Variants in RALGAPA2 observed in about 807,000 individuals in gnomAD.
RALGAPA2 encodes the protein Ral GTPase activating protein catalytic subunit alpha 2, also known as ral GTPase-activating protein subunit alpha-2.
In RALGAPA2, 139 loss-of-function variants were observed where a neutral mutation model predicts 230.4. That is an observed-to-expected ratio of 0.60 (90% CI 0.53 to 0.69). The LOEUF (loss-of-function observed/expected upper bound fraction) is 0.69, where lower values mean the gene tolerates loss of function less well. Among genes scored for constraint, RALGAPA2 ranks in the 30% least tolerant of loss-of-function variants. RALGAPA2 has a pLI of 0.00. For missense variants in RALGAPA2, 2,163 were observed against 2,276.0 expected, an observed-to-expected ratio of 0.95 and a Z score of 1.01; for synonymous variants, 847 against 837.8, an observed-to-expected ratio of 1.01 and a Z score of -0.19.
chr20:20,450,231 T>C (rs2060957977), intron 37 of RALGAPA2, among the ~76,000 whole-genome samples: 1 of 152,216 alleles, frequency 6.6e-6, no homozygotes, highest in Non-Finnish European at 1.5e-5. Flanking sequence ...ATTAGATGCT[T>C]ATTTTGGGAT....
At chr20:20,621,524 T>C (rs1383702354) in intron 10 of RALGAPA2, among the ~76,000 whole-genome samples, 1 of 152,074 alleles carries the variant, frequency 6.6e-6, no homozygotes, top group Non-Finnish European at 1.5e-5. Flanking sequence ...CTTCCTTTTT[T>C]GTTATTATTA....
At chr20:20,637,648 A>C in intron 7 of RALGAPA2, 147 bp from the exon 8 acceptor site, 1 of 765,266 alleles carries the variant, frequency 1.3e-6, no homozygotes. Context: ...TGAAATAATA[A>C]CAAAGCTCAA....
Position 20,620,578 on chromosome 20 carries a change from A to T in RALGAPA2, c.1286T>A (p.Val429Glu). The change falls in exon 11 of 40, where the codon GTG (valine) becomes GAG (glutamate). Residue 429 changes from valine to glutamate, a missense_variant. Physicochemically the swap from Val to Glu is moderately radical, Grantham distance 121. Transcript: ENST00000202677. ...GTCCTGGAGAATCCACTTTCTGTAC[A>T]CTTGAACTACTTTTCTTGTTACAGC... The part of the protein sequence containing the change: ...EIAVTRKVVQ[V>E]YRKWILQDKP... 1 of 1,613,646 alleles carries T rather than the reference A, an allele frequency of 6.2e-7. No individual in the cohort carries two copies. The highest frequency in any genetic ancestry group is 8.5e-7 in the Non-Finnish European group (1 of 1,179,754).
intron 1 of RALGAPA2, among the ~76,000 whole-genome samples, chr20:20,693,874 G>T (rs1350940285): frequency 1.3e-5 from 2 of 152,106 alleles, no homozygotes; most frequent in African/African-American, 4.8e-5. Context: ...GGAGGCTGAG[G>T]CCTGCAGATC....
chr20:20,413,837 T>C (rs1209477473), intron 37 of RALGAPA2, among the ~76,000 whole-genome samples: 1 of 152,268 alleles, frequency 6.6e-6, no homozygotes, highest in East Asian at 1.9e-4. Flanking sequence ...AACTGGCTTC[T>C]TGACTGTGGG....
chr20:20,529,669 G>A (rs1324543925), intron 27 of RALGAPA2, among the ~76,000 whole-genome samples: 2 of 152,148 alleles, frequency 1.3e-5, no homozygotes, highest in African/African-American at 4.8e-5. Flanking sequence ...GTACAGTAGT[G>A]TGCTGTATAG....
rs34179853 is a variant in RALGAPA2, at chr20:20,471,414, A to ATTTTTT, written c.5495+1409_5495+1414dup. 12 of 125,490 alleles carry ATTTTTT rather than the reference A, an allele frequency of 9.6e-5. 1 individual carries two copies. Among genetic ancestry groups the ATTTTTT allele is most frequent in the East Asian group, 2.3e-4 (1 of 4,312 alleles). 7.8% of individuals were successfully genotyped at this position (125,490 alleles called of 1,614,324 possible). ...GGAATTTTCTCATTTGTAAAATAAGATTTTTTTTTTTTTTTTTTTTTTGCT... is the reference window on the plus strand; with the variant it reads ...GGAATTTTCTCATTTGTAAAATAAGATTTTTTTTTTTTTTTTTTTTTTTTTTTTGCT... On this transcript the variant is annotated intron_variant, in intron 37 of 39. Coordinates refer to ENST00000202677, the MANE Select transcript of RALGAPA2 (RefSeq NM_020343.4).
intron 4 of RALGAPA2, among the ~76,000 whole-genome samples, chr20:20,652,991 A>T (rs2067456956): frequency 6.6e-6 from 1 of 152,002 alleles, no homozygotes; most frequent in South Asian, 2.1e-4. Flanking sequence ...CAGGAGTTCG[A>T]GACAGCCTGG....
intron 38 of RALGAPA2, among the ~76,000 whole-genome samples, chr20:20,404,957 G>C (rs6106245): frequency 0.069 from 10,454 of 152,254 alleles, 975 homozygotes; most frequent in African/African-American, 0.2. Context: ...GGGTTGTCAG[G>C]AGTGTCACTG....
chr20:20,652,546 C>T (rs1422944030), intron 4 of RALGAPA2, among the ~76,000 whole-genome samples: 1 of 152,200 alleles, frequency 6.6e-6, no homozygotes, highest in Non-Finnish European at 1.5e-5. Flanking sequence ...TCTCCCTCAA[C>T]AAATATTTGA....
chr20:20,680,380 T>C (rs1164041859), intron 2 of RALGAPA2, among the ~76,000 whole-genome samples: 2 of 152,266 alleles, frequency 1.3e-5, no homozygotes, highest in Non-Finnish European at 2.9e-5. Flanking sequence ...GACCCTTTTA[T>C]GGAATCTAAA....
chr20:20,595,768 A>G lies in RALGAPA2; in HGVS notation c.2204-4454T>C, dbSNP rs372171932. 2.6e-5 allele frequency among the ~76,000 whole-genome samples: 4 copies of G among 152,258 alleles called. No individual in the cohort carries two copies. The East Asian group carries it at 5.8e-4, about 22-fold the overall frequency. On this transcript the variant is annotated intron_variant, in intron 16 of 39. Transcript: ENST00000202677. ...GGAATTCAAGACCAGCCTGGTCAAC[A>G]TGGTGAAACCCTATCTCTACTAAAA...
chr20:20,458,833 T>TAG (rs2061224627), intron 37 of RALGAPA2, among the ~76,000 whole-genome samples: 5 of 134,722 alleles, frequency 3.7e-5, no homozygotes, highest in African/African-American at 1.1e-4. Flanking sequence ...TATATATATA[T>TAG]ATAGACCTAT....
rs1445454456 is a variant in RALGAPA2 at position 20,712,547 on chromosome 20, T to G, written c.-67A>C. The G allele has an allele frequency of 4.2e-5, 61 of 1,452,414 alleles. No homozygotes were observed. The highest frequency in any genetic ancestry group is 5.3e-5 in the Non-Finnish European group (59 of 1,103,970). 90.0% of individuals were successfully genotyped at this position (1,452,414 alleles called of 1,614,324 possible). A position where few individuals can be genotyped will look rare whatever the true frequency, so the allele number is the denominator to read the frequency against. Reference sequence around the variant, plus strand: ...CGCCTGCGCCACGCGAATCAAAGCATAGGGTCGAGGCCGGCGCGTGTCGCG... The same window carrying G: ...CGCCTGCGCCACGCGAATCAAAGCAGAGGGTCGAGGCCGGCGCGTGTCGCG... On this transcript the variant is annotated 5_prime_UTR_variant, in exon 1 of 40. It removes an upstream start codon present in the reference 5' UTR. Transcript: ENST00000202677. The surrounding 1 kb of genome is among the most constrained non-coding windows in gnomAD (Gnocchi z 5.5).
chr20:20,504,661 G>A (rs1332234587), intron 34 of RALGAPA2, among the ~76,000 whole-genome samples: 1 of 152,070 alleles, frequency 6.6e-6, no homozygotes, highest in Non-Finnish European at 1.5e-5. Flanking sequence ...GGGAGGTGGA[G>A]GTTGCAGTGA....
At chr20:20,680,572 G>A (rs1603239536) in intron 2 of RALGAPA2, 119 bp downstream of exon 2, 1 of 1,350,780 alleles carries the variant, frequency 7.4e-7, no homozygotes, top group East Asian at 2.9e-5. Flanking sequence ...TGCTCTCACA[G>A]CTTTGCTAAA....
At chr20:20,628,179 A>T (rs898557870) in intron 10 of RALGAPA2, among the ~76,000 whole-genome samples, 2 of 152,182 alleles carry the variant, frequency 1.3e-5, no homozygotes, top group Admixed American at 1.3e-4. Context: ...TTAGGTTGTG[A>T]CTTTGTTTTT....
chr20:20,676,931 A>C (rs2068344559), intron 2 of RALGAPA2, among the ~76,000 whole-genome samples: 1 of 152,240 alleles, frequency 6.6e-6, no homozygotes, highest in African/African-American at 2.4e-5. Context: ...AATCAGCCAC[A>C]GACAATACAT....
At chr20:20,426,893 TG>T (rs1197132041) in intron 37 of RALGAPA2, among the ~76,000 whole-genome samples, 1 of 152,208 alleles carries the variant, frequency 6.6e-6, no homozygotes, top group Non-Finnish European at 1.5e-5. Context: ...GTGCTTTTAA[TG>T]GGTTGAAGTT....
Sources: gnomAD v4.1 joint callset for allele counts (sites outside exome capture counted in the v4.1 genomes callset) on GRCh38, gnomAD v4.1.1 for gene constraint, Gnocchi (gnomAD v3.1) non-coding constraint, MANE v1.5 for transcripts, NCBI Gene and HGNC (gene_info 2026-07-23, HGNC 2026-07-21) for gene names.